Variants in SEC62 observed in about 807,000 individuals in gnomAD.
SEC62 encodes the protein translocation protein SEC62.
In SEC62, 10 loss-of-function variants were observed where a neutral mutation model predicts 47.5. The ratio of observed to expected loss-of-function variants is 0.21; its 90% CI spans 0.13 to 0.36. The LOEUF is 0.36. Among genes scored for constraint, SEC62 ranks in the 10% least tolerant of loss-of-function variants. SEC62 has a pLI of 1.00. For synonymous variants in SEC62, 136 were observed against 150.5 expected, an observed-to-expected ratio of 0.90 and a Z score of 0.71; for missense variants, 327 against 464.1, an observed-to-expected ratio of 0.70 and a Z score of 2.71.
intron 1 of SEC62, among the ~76,000 whole-genome samples, chr3:169,971,793 G>A (rs1714705246): frequency 6.6e-6 from 1 of 152,206 alleles, no homozygotes; most frequent in Non-Finnish European, 1.5e-5. Context: ...TCAGCAGTCA[G>A]TAGATTAGTA....
intron 1 of SEC62, chr3:169,975,379 C>T: frequency 2.8e-6 from 1 of 355,778 alleles, no homozygotes; most frequent in Admixed American, 4.0e-5. Flanking sequence ...ATAGTTGAAG[C>T]CAAGAAGCAG....
intron 4 of SEC62, 57 bp downstream of exon 4, chr3:169,982,968 T>TA (rs1395666637): frequency 2.4e-5 from 37 of 1,540,260 alleles, no homozygotes; most frequent in African/African-American, 7.0e-5. Flanking sequence ...ACATGAACAC[T>TA]ACTGGCCTAT....
rs1258743941 is a variant in SEC62 at position 169,983,166 on chromosome 3, A to G, written c.462A>G (p.Glu154=). The change falls in exon 5 of 8, where the codon GAA becomes GAG. Residue 154 remains glutamate, a synonymous_variant. Coordinates refer to ENST00000337002, the MANE Select transcript of SEC62 (RefSeq NM_003262.4). ...DGEKEESKKE[E]TPGTPKKKET... Reference sequence around the variant, plus strand: ...TCCAACTTGTGTTTTCATAGGAGGAAACTCCAGGAACTCCTAAAAAGAAGG... The same window carrying G: ...TCCAACTTGTGTTTTCATAGGAGGAGACTCCAGGAACTCCTAAAAAGAAGG... 1 of 1,607,664 alleles carries G rather than the reference A, an allele frequency of 6.2e-7. No individual in the cohort carries two copies. Among genetic ancestry groups the G allele is most frequent in the Non-Finnish European group, 8.5e-7 (1 of 1,176,212 alleles).
intron 5 of SEC62, chr3:169,985,131 AT>A (rs1358427908): frequency 6.6e-6 from 1 of 151,920 alleles, no homozygotes; most frequent in Non-Finnish European, 1.5e-5. Flanking sequence ...CCTGGCTGGA[AT>A]CTGTCTTAAC....
Position 169,992,534 on chromosome 3 carries a change from A to T in SEC62, c.731-60A>T. The T allele has an allele frequency of 8.7e-7, 1 of 1,148,650 alleles. No individual in the cohort carries two copies. Among genetic ancestry groups the T allele is most frequent in the East Asian group, 2.3e-5 (1 of 42,724 alleles). The allele number at this position is 1,148,650 out of a possible 1,614,324, so 71.2% of individuals were successfully genotyped here. On this transcript the variant is annotated intron_variant, in intron 7 of 7. Coordinates refer to ENST00000337002, the MANE Select transcript of SEC62 (RefSeq NM_003262.4). This position sits in a 1 kb window ranked among gnomAD's most constrained non-coding sequence, Gnocchi z 4.0. ...CTGTTTTCCCAGCTTTTTATTAACAAATACTCCCTTCTGAGGCAGTGTTTG... is the reference window on the plus strand; with the variant it reads ...CTGTTTTCCCAGCTTTTTATTAACATATACTCCCTTCTGAGGCAGTGTTTG...
At chr3:169,983,357 A>G in intron 5 of SEC62, 104 bp downstream of exon 5, 1 of 568,746 alleles carries the variant, frequency 1.8e-6, no homozygotes, top group East Asian at 3.0e-5. Flanking sequence ...AAATCTAATT[A>G]TGCTCTTAAA....
At chr3:169,978,915 A>G (rs1714907076) in intron 3 of SEC62, among the ~76,000 whole-genome samples, 1 of 152,348 alleles carries the variant, frequency 6.6e-6, no homozygotes, top group South Asian at 2.1e-4. Flanking sequence ...CTGTCTCCAC[A>G]GTCTGTGTTC....
chr3:169,977,080 C>G (rs1714854221), intron 3 of SEC62, 29 bp downstream of exon 3: 1 of 1,496,544 alleles, frequency 6.7e-7, no homozygotes, highest in East Asian at 2.3e-5. Flanking sequence ...TGAAGAATAA[C>G]ATAATAATTT....
At chr3:169,987,593 A>G (rs1012350882) in intron 6 of SEC62, among the ~76,000 whole-genome samples, 1 of 152,224 alleles carries the variant, frequency 6.6e-6, no homozygotes, top group Non-Finnish European at 1.5e-5. Flanking sequence ...CCAGGGTTAC[A>G]TAGCTTATAA....
At chr3:169,967,338 T>C (rs1714556763) in intron 1 of SEC62, among the ~76,000 whole-genome samples, 1 of 152,128 alleles carries the variant, frequency 6.6e-6, no homozygotes, top group Non-Finnish European at 1.5e-5. Flanking sequence ...TTTGTGCGCA[T>C]AGACCGTAAG....
chr3:169,972,690 A>C (rs1714727717), intron 1 of SEC62, among the ~76,000 whole-genome samples: 1 of 151,646 alleles, frequency 6.6e-6, no homozygotes, highest in Non-Finnish European at 1.5e-5. Context: ...AGCCACCCAA[A>C]GTACTGGGAT....
At chr3:169,987,526 A>G (rs1293941823) in intron 6 of SEC62, among the ~76,000 whole-genome samples, 4 of 152,238 alleles carry the variant, frequency 2.6e-5, no homozygotes, top group African/African-American at 9.6e-5. Flanking sequence ...TTTGAAGAAT[A>G]GGAAGAGACT....
At chr3:169,986,313 A>C (rs1435925903) in intron 6 of SEC62, among the ~76,000 whole-genome samples, 1 of 152,212 alleles carries the variant, frequency 6.6e-6, no homozygotes, top group African/African-American at 2.4e-5. Flanking sequence ...GCAGTGACCC[A>C]GCAATTCTAG....
In SEC62 at chr3:169,975,126, C is replaced by A. The variant is rs180868496; in HGVS notation, c.37-482C>A. Among the ~76,000 whole-genome samples, 281 of 151,944 alleles carry A rather than the reference C, an allele frequency of 1.8e-3. 9 individuals carry two copies. The East Asian group carries it at 0.047, about 25-fold the overall frequency. On this transcript the variant is annotated intron_variant, in intron 1 of 7. Transcript: ENST00000337002. ...CGAAACCCTGTCTCTACTAAAAATA[C>A]AAAAATTAGCTGGGCATGGTGGCAG... is the stretch of plus-strand genomic sequence containing the variant.
intron 3 of SEC62, among the ~76,000 whole-genome samples, chr3:169,978,080 C>G (rs536653390): frequency 6.6e-6 from 1 of 152,208 alleles, no homozygotes; most frequent in South Asian, 2.1e-4. Context: ...GAGATCGAGA[C>G]CATTCTGGCT....
chr3:169,966,907 G>A, intron 1 of SEC62, 49 bp downstream of exon 1: 1 of 1,460,700 alleles, frequency 6.8e-7, no homozygotes, highest in East Asian at 2.9e-5. Context: ...CTGGATAGTG[G>A]AAGGGGCGGG....
At chr3:169,973,983 G>C (rs1211605477) in intron 1 of SEC62, among the ~76,000 whole-genome samples, 2 of 152,188 alleles carry the variant, frequency 1.3e-5, no homozygotes, top group Non-Finnish European at 2.9e-5. Flanking sequence ...TCCTTTTTGG[G>C]ATAAAGTTAA....
At position 169,996,849 on chromosome 3, in the gene SEC62, A is replaced by T. The variant is rs572167656; in HGVS notation, c.*3786A>T. On this transcript the variant is annotated 3_prime_UTR_variant, in exon 8 of 8. Transcript: ENST00000337002. ...TGTGCTTCCTCTTTGGGTAGCCTAT[A>T]CCTATACTTATCTCCTCATAATATC... 2.6e-5 allele frequency: 4 copies of T among 152,264 alleles called. No individual in the cohort carries two copies. In the East Asian group the frequency reaches 7.7e-4, roughly 29 times the overall value. 9.4% of individuals were successfully genotyped at this position (152,264 alleles called of 1,614,324 possible). A position where few individuals can be genotyped will look rare whatever the true frequency, so the allele number is the denominator to read the frequency against.
intron 1 of SEC62, 67 bp downstream of exon 1, chr3:169,966,925 C>T (rs1714540502): frequency 1.3e-6 from 2 of 1,501,240 alleles, no homozygotes; most frequent in Middle Eastern, 1.8e-4. Context: ...GGGGAAAGCC[C>T]CCTAAAAGGG....
Sources: gnomAD v4.1 joint callset for allele counts (sites outside exome capture counted in the v4.1 genomes callset) on GRCh38, gnomAD v4.1.1 for gene constraint, Gnocchi (gnomAD v3.1) non-coding constraint, MANE v1.5 for transcripts, NCBI Gene and HGNC (gene_info 2026-07-23, HGNC 2026-07-21) for gene names.